The following C6orf132 variants were observed in gnomAD, a reference collection of about 807,000 sequenced individuals.
C6orf132 encodes the protein uncharacterized protein C6orf132.
In C6orf132, 43 loss-of-function variants were observed where a neutral mutation model predicts 65.3. The observed-to-expected ratio is 0.66, with a 90% CI of 0.52 to 0.85. The LOEUF (loss-of-function observed/expected upper bound fraction) is 0.85. Ranked by LOEUF, C6orf132 falls within the 40% of genes least tolerant of loss-of-function variation. The pLI, the probability that C6orf132 is intolerant of heterozygous loss-of-function variation, is 0.00. For synonymous variants in C6orf132, 631 were observed against 654.1 expected (o/e 0.96, Z 0.54); for missense variants, 1,488 against 1,548.8 (o/e 0.96, Z 0.66).
At chr6:42,126,838 C>G (rs1766774256) in intron 2 of C6orf132, 1 of 418,764 alleles carries the variant, frequency 2.4e-6, no homozygotes. Context: ...AAGAATGAAA[C>G]TCAGTCTGCA....
chr6:42,113,428 G>A (rs1766521009), intron 2 of C6orf132, among the ~76,000 whole-genome samples: 1 of 152,320 alleles, frequency 6.6e-6, no homozygotes. Context: ...TGTGACCGGT[G>A]TCACCTCAAA....
intron 1 of C6orf132, among the ~76,000 whole-genome samples, chr6:42,132,856 C>CAA (rs529784118): frequency 7.6e-5 from 7 of 91,834 alleles, no homozygotes; most frequent in Admixed American, 2.2e-4. Context: ...GACTCTGTCT[C>CAA]AAAAAAAAAA....
In C6orf132 at chr6:42,105,273, T is replaced by A; in HGVS notation, c.2639A>T (p.Asp880Val). The change falls in exon 4 of 5, where the codon GAC (aspartate) becomes GTC (valine). Residue 880 changes from aspartate to valine, a missense_variant. Physicochemically the swap from Asp to Val is radical, Grantham distance 152. Transcript: ENST00000341865. The stretch of plus-strand genomic sequence containing the variant: ...CGTGCCCTGGCTGTGGAAGATGCTG[T>A]CAGAGCTGGCCTCGGCTTGGTGGCT... ...DHSHQAEASS[D>V]SIFHSQGTPN... The A allele has an allele frequency of 1.3e-6, 2 of 1,537,178 alleles. No homozygotes were observed. The highest frequency in any genetic ancestry group is 1.7e-6 in the Non-Finnish European group (2 of 1,146,880).
chr6:42,142,268 G>A (rs1235299865), intron 1 of C6orf132, 32 bp downstream of exon 1: 2 of 1,540,902 alleles, frequency 1.3e-6, no homozygotes, highest in Admixed American at 2.0e-5. Context: ...CTCCGTCCCC[G>A]CCCCAGCGCC....
At position 42,142,616 on chromosome 6, in the gene C6orf132, G is replaced by A. The variant is rs1306797087; in HGVS notation, c.-172C>T. The A allele has an allele frequency of 6.8e-6, 4 of 587,632 alleles. No homozygotes were observed. The highest frequency in any genetic ancestry group is 1.1e-5 in the Non-Finnish European group (4 of 378,394). The allele number at this position is 587,632 out of a possible 1,614,324, so 36.4% of individuals were successfully genotyped here. ...TGCTGCGGGCGCCGCCGCTTGCCGG[G>A]AAATGCGAGCTACCTGGCCAGGTAA... On this transcript the variant is annotated 5_prime_UTR_variant, in exon 1 of 5. Coordinates refer to ENST00000341865, the MANE Select transcript of C6orf132 (RefSeq NM_001164446.3).
chr6:42,104,748 G>A lies in C6orf132; in HGVS notation c.3164C>T (p.Ser1055Leu). 1 of 1,526,060 alleles carries A rather than the reference G, an allele frequency of 6.6e-7. No homozygotes were observed. The highest frequency in any genetic ancestry group is 8.8e-7 in the Non-Finnish European group (1 of 1,142,420). 94.5% of individuals were successfully genotyped at this position (1,526,060 alleles called of 1,614,324 possible). A position where few individuals can be genotyped will look rare whatever the true frequency, so the allele number is the denominator to read the frequency against. Residue 1055 changes from serine to leucine, a missense_variant, in exon 4 of 5, where the codon TCG becomes TTG. By Grantham distance (145) the Ser-to-Leu change is moderately radical. Transcript: ENST00000341865. The surrounding 1 kb of genome is among the most constrained non-coding windows in gnomAD (Gnocchi z 4.1). ...CTTTATGAGCGAGCGGCCCCCTCCC[G>A]AGAAGCGCTCCAGGCCCCCAGCCCC... ...YAGAGGLERF[S>L]GGGRSLIKKR...
intron 2 of C6orf132, among the ~76,000 whole-genome samples, chr6:42,116,462 C>T (rs1277810451): frequency 1.3e-5 from 2 of 152,116 alleles, no homozygotes; most frequent in Non-Finnish European, 2.9e-5. Flanking sequence ...TCCTGCTGCC[C>T]CTCCACCTCA....
chr6:42,118,074 G>C (rs765059876), intron 2 of C6orf132, among the ~76,000 whole-genome samples: 41 of 152,228 alleles, frequency 2.7e-4, no homozygotes, highest in Non-Finnish European at 5.1e-4. Context: ...TACTCTCCAA[G>C]GATCACTTTG....
intron 1 of C6orf132, among the ~76,000 whole-genome samples, chr6:42,130,716 A>C (rs1005390755): frequency 6.6e-6 from 1 of 152,184 alleles, no homozygotes; most frequent in Admixed American, 6.5e-5. Context: ...CTTGGCAAGC[A>C]TGATAACTGT....
chr6:42,111,427 C>T (rs892775775), intron 2 of C6orf132, among the ~76,000 whole-genome samples: 3 of 151,888 alleles, frequency 2.0e-5, no homozygotes, highest in Non-Finnish European at 2.9e-5. Flanking sequence ...ATTACAGGGG[C>T]GTGCACCACC....
intron 2 of C6orf132, among the ~76,000 whole-genome samples, chr6:42,118,868 AT>A (rs546407195): frequency 0.011 from 1,197 of 113,196 alleles, 13 homozygotes; most frequent in Middle Eastern, 0.023. Context: ...CAGCCCTTTA[AT>A]TTTTTTTTTT....
intron 1 of C6orf132, among the ~76,000 whole-genome samples, chr6:42,130,226 T>TGCCCC (rs1307574214): frequency 1.3e-5 from 2 of 152,228 alleles, no homozygotes; most frequent in South Asian, 2.1e-4. Context: ...AGCACTGCCC[T>TGCCCC]GCCCCATGCA....
intron 2 of C6orf132, among the ~76,000 whole-genome samples, chr6:42,121,939 G>A (rs1024375563): frequency 1.3e-5 from 2 of 152,228 alleles, no homozygotes; most frequent in Non-Finnish European, 2.9e-5. Context: ...CCAGCCAGTT[G>A]TTTTCCTGGC....
chr6:42,142,066 C>G (rs1170545308), intron 1 of C6orf132, among the ~76,000 whole-genome samples: 1 of 152,092 alleles, frequency 6.6e-6, no homozygotes, highest in African/African-American at 2.4e-5. Flanking sequence ...GCAAAGTTCT[C>G]CCACCTCCCC....
chr6:42,115,543 G>GCTAGTCTCCA (rs1484261310), intron 2 of C6orf132, among the ~76,000 whole-genome samples: 3 of 151,930 alleles, frequency 2.0e-5, no homozygotes, highest in Non-Finnish European at 4.4e-5. Flanking sequence ...CTACTCGGGA[G>GCTAGTCTCCA]GCTGAGGCAG....
rs763584177 is a variant in C6orf132 at position 42,105,171 on chromosome 6, T to C, written c.2741A>G (p.Asn914Ser). The change falls in exon 4 of 5, where the codon AAT (asparagine) becomes AGT (serine). Residue 914 changes from asparagine (N) to serine (S), a missense_variant. Coordinates refer to ENST00000341865, the MANE Select transcript of C6orf132 (RefSeq NM_001164446.3). Reference protein sequence around the residue: ...KDSPLTTEIPNKWGPRLGRDA... With the variant: ...KDSPLTTEIPSKWGPRLGRDA... ...TCTTCCCAGCCGCGGCCCCCACTTATTGGGTATTTCGGTCGTCAGCGGGGA... is the reference window on the plus strand; with the variant it reads ...TCTTCCCAGCCGCGGCCCCCACTTACTGGGTATTTCGGTCGTCAGCGGGGA... The C allele has an allele frequency of 2.8e-5, 43 of 1,537,056 alleles. No individual in the cohort carries two copies. The highest frequency in any genetic ancestry group is 3.4e-5 in the Non-Finnish European group (39 of 1,146,818).
At chr6:42,123,583 AAAGAAG>A (rs373447285) in intron 2 of C6orf132, among the ~76,000 whole-genome samples, 1 of 151,138 alleles carries the variant, frequency 6.6e-6, no homozygotes, top group Non-Finnish European at 1.5e-5. Flanking sequence ...AAGAAAGAAG[AAAGAAG>A]AAGAAGAAAG....
Position 42,124,677 on chromosome 6 carries a change from G to A in C6orf132, c.252+3995C>T, listed in dbSNP as rs1554182704. Among the ~76,000 whole-genome samples, 1 of 152,216 alleles carries A rather than the reference G, an allele frequency of 6.6e-6. No individual in the cohort carries two copies. The highest frequency in any genetic ancestry group is 1.5e-5 in the Non-Finnish European group (1 of 68,026). ...ACTTGGTGGGGCTGGGGGACGGGGTGTGTGCGTGTGCATGTGTGTGTGAGC... is the reference window on the plus strand; with the variant it reads ...ACTTGGTGGGGCTGGGGGACGGGGTATGTGCGTGTGCATGTGTGTGTGAGC... On this transcript the variant is annotated intron_variant, in intron 2 of 4. Coordinates refer to ENST00000341865, the MANE Select transcript of C6orf132 (RefSeq NM_001164446.3). This position sits in a 1 kb window ranked among gnomAD's most constrained non-coding sequence, Gnocchi z 4.0.
intron 1 of C6orf132, among the ~76,000 whole-genome samples, chr6:42,136,681 C>G (rs1022876498): frequency 1.3e-5 from 2 of 152,212 alleles, no homozygotes; most frequent in African/African-American, 4.8e-5. Context: ...GAGGCCTTTC[C>G]TTGCTAATTA....
Sources: allele counts gnomAD v4.1 joint callset (sites outside exome capture counted in the v4.1 genomes callset), GRCh38; gene constraint gnomAD v4.1.1; non-coding constraint Gnocchi (gnomAD v3.1); transcripts MANE v1.5; gene names NCBI Gene and HGNC (gene_info 2026-07-23, HGNC 2026-07-21).